Variants in NAV3 observed in about 807,000 individuals in gnomAD.
The protein encoded by NAV3 is neuron navigator 3.
In NAV3, 87 loss-of-function variants were observed where a neutral mutation model predicts 244.7. That is an observed-to-expected ratio of 0.36 (90% confidence interval 0.30 to 0.42). The LOEUF (loss-of-function observed/expected upper bound fraction) is 0.42. Ranked by LOEUF, NAV3 falls within the 20% of genes least tolerant of loss-of-function variation. The probability of loss-of-function intolerance (pLI) is 1.00; values close to 1 mark genes in which losing one functional copy is unlikely to be tolerated. For missense variants in NAV3, 2,663 were observed against 2,893.3 expected, an observed-to-expected ratio of 0.92 and a Z score of 1.83; for synonymous variants, 1,126 against 1,042.2, an observed-to-expected ratio of 1.08 and a Z score of -1.55.
At chr12:77,826,042 T>C (rs1358492503), upstream of NAV3, among the ~76,000 whole-genome samples, 1 of 152,122 alleles carries the variant, frequency 6.6e-6, no homozygotes, top group Non-Finnish European at 1.5e-5. Flanking sequence ...GTATAGAGTA[T>C]GTGGAGCAAC....
chr12:78,055,637 G>A (rs904951624), intron 11 of NAV3, among the ~76,000 whole-genome samples: 2 of 152,176 alleles, frequency 1.3e-5, no homozygotes, highest in African/African-American at 4.8e-5. Flanking sequence ...CAGATTTCCA[G>A]TGTTACCCTA....
intron 12 of NAV3, among the ~76,000 whole-genome samples, chr12:78,114,757 G>A (rs1358697726): frequency 6.6e-6 from 1 of 152,156 alleles, no homozygotes; most frequent in Non-Finnish European, 1.5e-5. Flanking sequence ...AAGATGTAGG[G>A]AAGGTTTTTA....
At chr12:77,952,133 G>T (rs73144283) in intron 3 of NAV3, among the ~76,000 whole-genome samples, 1 of 150,986 alleles carries the variant, frequency 6.6e-6, no homozygotes, top group Non-Finnish European at 1.5e-5. Flanking sequence ...TGTAAACTTC[G>T]GATGATGATT....
chr12:77,579,819 A>G (rs1869267102), intron 2 of NAV3, among the ~76,000 whole-genome samples: 1 of 152,216 alleles, frequency 6.6e-6, no homozygotes, highest in Admixed American at 6.5e-5. Flanking sequence ...AGAATCTACA[A>G]TAAGACCACT....
At chr12:77,792,735 T>C (rs989244076) in intron 2 of NAV3, among the ~76,000 whole-genome samples, 1 of 152,220 alleles carries the variant, frequency 6.6e-6, no homozygotes, top group African/African-American at 2.4e-5. Context: ...GGGATCAGAC[T>C]TGTATTACAA....
chr12:77,726,850 T>G (rs1876899715), intron 2 of NAV3, among the ~76,000 whole-genome samples: 1 of 151,810 alleles, frequency 6.6e-6, no homozygotes, highest in Non-Finnish European at 1.5e-5. Flanking sequence ...AGGGGTTTGG[T>G]GATAAGAAAA....
At chr12:78,154,196 A>G (rs1957187206) in intron 22 of NAV3, among the ~76,000 whole-genome samples, 1 of 121,978 alleles carries the variant, frequency 8.2e-6, no homozygotes, top group Non-Finnish European at 1.7e-5. Flanking sequence ...ATACTATATT[A>G]TATATACTCT....
At chr12:78,067,524 A>G (rs1253272458) in intron 12 of NAV3, among the ~76,000 whole-genome samples, 1 of 152,074 alleles carries the variant, frequency 6.6e-6, no homozygotes. Flanking sequence ...CCCATTGTGA[A>G]TAACCTCAGA....
intron 2 of NAV3, among the ~76,000 whole-genome samples, chr12:77,802,519 T>C (rs534184937): frequency 5.3e-5 from 8 of 152,196 alleles, no homozygotes; most frequent in Non-Finnish European, 7.3e-5. Context: ...TACTCCTAAA[T>C]AGTTACGAAA....
intron 1 of NAV3, among the ~76,000 whole-genome samples, chr12:77,910,784 C>G (rs1337168424): frequency 6.6e-6 from 1 of 152,024 alleles, no homozygotes; most frequent in East Asian, 1.9e-4. Context: ...CAGGAGATTC[C>G]CCTAGAGACA....
At chr12:77,841,526 A>G (rs1217072803) in intron 1 of NAV3, among the ~76,000 whole-genome samples, 1 of 152,178 alleles carries the variant, frequency 6.6e-6, no homozygotes, top group African/African-American at 2.4e-5. Flanking sequence ...CACTTTTTTA[A>G]TGCTCTCATA....
At chr12:77,978,937 G>T (rs1675932576) in intron 5 of NAV3, among the ~76,000 whole-genome samples, 1 of 151,846 alleles carries the variant, frequency 6.6e-6, no homozygotes, top group African/African-American at 2.4e-5. Context: ...GCCTCAAAAT[G>T]TTGAGGTTAG....
At chr12:78,134,506 G>A (rs1206030398) in intron 18 of NAV3, among the ~76,000 whole-genome samples, 1 of 152,174 alleles carries the variant, frequency 6.6e-6, no homozygotes, top group African/African-American at 2.4e-5. Context: ...GCATATGACA[G>A]CTCTTCATAT....
intron 2 of NAV3, among the ~76,000 whole-genome samples, chr12:77,596,268 G>A (rs1024238870): frequency 6.6e-6 from 1 of 152,138 alleles, no homozygotes; most frequent in African/African-American, 2.4e-5. Flanking sequence ...TACATTTTTT[G>A]TAAGAACTGA....
chr12:77,859,600 C>G lies in NAV3; in HGVS notation c.243+27896C>G, dbSNP rs181842772. On this transcript the variant is annotated intron_variant, in intron 1 of 39. Coordinates refer to ENST00000397909, the MANE Select transcript of NAV3 (RefSeq NM_001024383.2). The stretch of plus-strand genomic sequence containing the variant: ...AACCTGCACAATGTGCACATGTACC[C>G]TAAAACTTAAAGTGTAATAAAAAAA... 1.9e-4 allele frequency among the ~76,000 whole-genome samples: 26 copies of G among 134,674 alleles called. No homozygotes were observed. In the East Asian group the frequency reaches 5.7e-3, roughly 29 times the overall value. The allele number at this position is 134,674 out of a possible 152,430, so 88.4% of individuals were successfully genotyped here.
At chr12:77,620,127 A>G (rs1420221259) in intron 2 of NAV3, among the ~76,000 whole-genome samples, 1 of 152,226 alleles carries the variant, frequency 6.6e-6, no homozygotes, top group African/African-American at 2.4e-5. Flanking sequence ...TGATGTAGTC[A>G]TACTTCTGAG....
intron 25 of NAV3, 102 bp from the exon 26 acceptor site, chr12:78,176,337 T>A: frequency 8.9e-7 from 1 of 1,129,048 alleles, no homozygotes; most frequent in South Asian, 1.6e-5. Flanking sequence ...GAAAGAAATA[T>A]CTTTTTATCT....
At chr12:77,741,135 G>GAAAAAAAAAGAAAAA (rs1868320376) in intron 2 of NAV3, among the ~76,000 whole-genome samples, 1 of 60,750 alleles carries the variant, frequency 1.6e-5, no homozygotes, top group Non-Finnish European at 2.8e-5. Context: ...AATAGTCAAA[G>GAAAAAAAAAGAAAAA]AAAAAAAAAA....
At chr12:78,179,404 T>C in intron 28 of NAV3, 125 bp from the exon 29 acceptor site, 1 of 1,081,188 alleles carries the variant, frequency 9.2e-7, no homozygotes, top group South Asian at 1.7e-5. Flanking sequence ...TCTCTAGGTT[T>C]TGCCAGCAGC....
Sources: allele counts gnomAD v4.1 joint callset (sites outside exome capture counted in the v4.1 genomes callset), GRCh38; gene constraint gnomAD v4.1.1; transcripts MANE v1.5; gene names NCBI Gene and HGNC (gene_info 2026-07-23, HGNC 2026-07-21).